The following LURAP1L variants were observed in gnomAD, a reference collection of about 807,000 sequenced individuals.
The protein encoded by LURAP1L is leucine rich adaptor protein 1 like.
Under a neutral mutation model 13.8 loss-of-function variants are expected in LURAP1L, and 12 were observed. The observed-to-expected ratio is 0.87, with a 90% confidence interval of 0.56 to 1.41. LURAP1L has a LOEUF of 1.41. LURAP1L is among the 40% of genes most tolerant of loss of function. The pLI is 0.00. For synonymous variants in LURAP1L, 139 were observed against 119.2 expected, an observed-to-expected ratio of 1.17 and a Z score of -1.08; for missense variants, 375 against 292.9, an observed-to-expected ratio of 1.28 and a Z score of -2.04.
intron 1 of LURAP1L, among the ~76,000 whole-genome samples, chr9:12,807,557 T>A (rs1819676863): frequency 1.3e-5 from 2 of 152,168 alleles, no homozygotes; most frequent in Non-Finnish European, 2.9e-5. Flanking sequence ...GTGAAATTAA[T>A]CTGTAACTTT....
intron 1 of LURAP1L, among the ~76,000 whole-genome samples, chr9:12,781,528 A>C (rs1371971617): frequency 6.6e-6 from 1 of 152,060 alleles, no homozygotes; most frequent in Non-Finnish European, 1.5e-5. Flanking sequence ...TCTGTGCCTG[A>C]CTTATTTCAC....
In LURAP1L at chr9:12,822,917, C is replaced by A. The variant is rs1243465796; in HGVS notation, c.*1157C>A. On this transcript the variant is annotated 3_prime_UTR_variant, in exon 2 of 2. Transcript: ENST00000319264. ...GGACTAAACACTCTATAATACAAAT[C>A]AAAAAATCTTCCTTCTTATAACTGA... Among the ~76,000 whole-genome samples the A allele has an allele frequency of 2.0e-5, 3 of 152,052 alleles. No individual in the cohort carries two copies. Among genetic ancestry groups the A allele is most frequent in the Non-Finnish European group, 2.9e-5 (2 of 67,984 alleles).
intron 1 of LURAP1L, among the ~76,000 whole-genome samples, chr9:12,810,443 T>C (rs759101939): frequency 3.9e-5 from 6 of 152,290 alleles, no homozygotes; most frequent in Admixed American, 3.9e-4. Context: ...CTAAGCATAG[T>C]TGTTGATTTC....
At chr9:12,818,751 G>A (rs1819835602) in intron 1 of LURAP1L, among the ~76,000 whole-genome samples, 1 of 152,178 alleles carries the variant, frequency 6.6e-6, no homozygotes, top group South Asian at 2.1e-4. Flanking sequence ...GCCCAGAGCT[G>A]GGAATGGGCT....
At chr9:12,797,559 T>G (rs1007969906) in intron 1 of LURAP1L, among the ~76,000 whole-genome samples, 1 of 152,184 alleles carries the variant, frequency 6.6e-6, no homozygotes, top group African/African-American at 2.4e-5. Context: ...TTTTCATTAT[T>G]ATCAGAAAAT....
In LURAP1L at chr9:12,775,443, T is replaced by C; in HGVS notation, c.-273T>C. 1 of 403,680 alleles carries C rather than the reference T, an allele frequency of 2.5e-6. No homozygotes were observed. Among genetic ancestry groups the C allele is most frequent in the East Asian group, 4.1e-5 (1 of 24,258 alleles). 25.0% of individuals were successfully genotyped at this position (403,680 alleles called of 1,614,324 possible). ...CAGTGAACTCAACTTTGCAGTGAGG[T>C]GGCCAAAAAGAGAGAGAATGAGGAG... On this transcript the variant is annotated 5_prime_UTR_variant, in exon 1 of 2. Coordinates refer to ENST00000319264, the MANE Select transcript of LURAP1L (RefSeq NM_203403.2).
intron 1 of LURAP1L, among the ~76,000 whole-genome samples, chr9:12,817,999 G>A (rs993826097): frequency 6.6e-6 from 1 of 151,990 alleles, no homozygotes; most frequent in African/African-American, 2.4e-5. Flanking sequence ...ACTCTCTCCC[G>A]GGAGGACACA....
At chr9:12,793,194 G>A (rs918696019) in intron 1 of LURAP1L, among the ~76,000 whole-genome samples, 1 of 151,880 alleles carries the variant, frequency 6.6e-6, no homozygotes, top group African/African-American at 2.4e-5. Context: ...TCCTTCAGTA[G>A]CCTGAGAAAT....
intron 1 of LURAP1L, among the ~76,000 whole-genome samples, chr9:12,780,643 C>G (rs35356562): frequency 6.6e-6 from 1 of 152,008 alleles, no homozygotes; most frequent in African/African-American, 2.4e-5. Flanking sequence ...ATATGCACTA[C>G]GAAATGTGCC....
In LURAP1L at chr9:12,820,420, G is replaced by A. The variant is rs987458292; in HGVS notation, c.313-966G>A. The stretch of plus-strand genomic sequence containing the variant: ...CGGGAGGCTGAGGCAGGAGAATGGC[G>A]TGAACTCAGGAGGCGGAGCTTGCAG... On this transcript the variant is annotated intron_variant, in intron 1 of 1. Transcript: ENST00000319264. 4.1e-4 allele frequency among the ~76,000 whole-genome samples: 61 copies of A among 149,386 alleles called. 1 individual carries two copies. The highest frequency in any genetic ancestry group is 1.3e-3 in the African/African-American group (54 of 40,664).
chr9:12,777,187 T>A, intron 1 of LURAP1L: 1 of 950,712 alleles, frequency 1.1e-6, no homozygotes, highest in Non-Finnish European at 1.3e-6. Flanking sequence ...ATTTAGTGAT[T>A]GTTATTTTTT....
chr9:12,800,656 A>G (rs1181132784), intron 1 of LURAP1L, among the ~76,000 whole-genome samples: 1 of 152,222 alleles, frequency 6.6e-6, no homozygotes, highest in Non-Finnish European at 1.5e-5. Context: ...AGTAATTTCC[A>G]CAATAGAAAA....
At chr9:12,820,438 G>A (rs865816086) in intron 1 of LURAP1L, among the ~76,000 whole-genome samples, 1 of 147,002 alleles carries the variant, frequency 6.8e-6, no homozygotes, top group Non-Finnish European at 1.5e-5. Context: ...AGGAGGCGGA[G>A]CTTGCAGTGA....
At chr9:12,797,700 T>A in intron 1 of LURAP1L, among the ~76,000 whole-genome samples, 2 of 152,252 alleles carry the variant, frequency 1.3e-5, no homozygotes, top group Middle Eastern at 6.9e-3. Flanking sequence ...TCTCTAAGGA[T>A]TTTATTTAAG....
rs930779745 is a variant in LURAP1L at position 12,822,543 on chromosome 9, C to G, written c.*783C>G. Among the ~76,000 whole-genome samples the G allele has an allele frequency of 6.6e-6, 1 of 152,152 alleles. No homozygotes were observed. Among genetic ancestry groups the G allele is most frequent in the Admixed American group, 6.5e-5 (1 of 15,276 alleles). Reference sequence around the variant, plus strand: ...CATTTTGAGATTTTGTTGGCATTTACTTGTATGTATTTTGTGATTCTGATA... The same window carrying G: ...CATTTTGAGATTTTGTTGGCATTTAGTTGTATGTATTTTGTGATTCTGATA... On this transcript the variant is annotated 3_prime_UTR_variant, in exon 2 of 2. Coordinates refer to ENST00000319264, the MANE Select transcript of LURAP1L (RefSeq NM_203403.2).
chr9:12,777,565 C>A (rs928004229), intron 1 of LURAP1L: 21 of 974,312 alleles, frequency 2.2e-5, no homozygotes, highest in Non-Finnish European at 2.6e-5. Context: ...ATAAATAAAT[C>A]TTGTTGAAAC....
At position 12,791,489 on chromosome 9, in the gene LURAP1L, T is replaced by C. The variant is rs1819439976; in HGVS notation, c.312+15462T>C. On this transcript the variant is annotated intron_variant, in intron 1 of 1. Coordinates refer to ENST00000319264, the MANE Select transcript of LURAP1L (RefSeq NM_203403.2). Reference sequence around the variant, plus strand: ...TTATATCATCCAGAGGAGGATTTCCTACTAAGTGGCAGGCATTTTAAAATT... The same window carrying C: ...TTATATCATCCAGAGGAGGATTTCCCACTAAGTGGCAGGCATTTTAAAATT... Among the ~76,000 whole-genome samples the C allele has an allele frequency of 2.6e-5, 4 of 152,124 alleles. No homozygotes were observed. The South Asian group carries it at 8.3e-4, about 31-fold the overall frequency.
chr9:12,783,796 A>C (rs1305767333), intron 1 of LURAP1L, among the ~76,000 whole-genome samples: 1 of 149,204 alleles, frequency 6.7e-6, no homozygotes, highest in African/African-American at 2.5e-5. Context: ...ATGTTTGGTA[A>C]AATTCAGCAA....
chr9:12,821,163 T>C (rs953140987), intron 1 of LURAP1L, among the ~76,000 whole-genome samples: 6 of 152,326 alleles, frequency 3.9e-5, no homozygotes, highest in African/African-American at 2.4e-5. Flanking sequence ...AGGGGTTTTA[T>C]TGTGCCTTTT....
Sources: allele counts gnomAD v4.1 joint callset (sites outside exome capture counted in the v4.1 genomes callset), GRCh38; gene constraint gnomAD v4.1.1; transcripts MANE v1.5; gene names NCBI Gene and HGNC (gene_info 2026-07-23, HGNC 2026-07-21).